Variants in CAMK2B observed in about 807,000 individuals in gnomAD.
CAMK2B encodes calcium/calmodulin-dependent protein kinase type II subunit beta.
In CAMK2B, 27 loss-of-function variants were observed where a neutral mutation model predicts 93.7. The observed-to-expected ratio is 0.29, with a 90% CI of 0.21 to 0.40. The LOEUF (loss-of-function observed/expected upper bound fraction) is 0.40, where lower values mean the gene tolerates loss of function less well. Ranked by LOEUF, CAMK2B falls within the 10% of genes least tolerant of loss-of-function variation. The probability of loss-of-function intolerance (pLI) is 1.00; values close to 1 mark genes in which losing one functional copy is unlikely to be tolerated. For synonymous variants in CAMK2B, 374 were observed against 358.8 expected, an observed-to-expected ratio of 1.04 and a Z score of -0.48; for missense variants, 568 against 895.8, an observed-to-expected ratio of 0.63 and a Z score of 4.67.
intron 1 of CAMK2B, among the ~76,000 whole-genome samples, chr7:44,318,635 G>A (rs1228307421): frequency 6.6e-6 from 1 of 152,232 alleles, no homozygotes; most frequent in East Asian, 1.9e-4. Context: ...CATTGTAAGG[G>A]CGACAGCAGC....
chr7:44,231,133 T>C, intron 16 of CAMK2B, 79 bp from the exon 17 acceptor site: 3 of 868,154 alleles, frequency 3.5e-6, no homozygotes, highest in Admixed American at 2.6e-5. Context: ...TGGACAGGGC[T>C]GGGCCTGTGT....
rs1785289424 is a variant in CAMK2B, at chr7:44,286,915, G to A, written c.66-2690C>T. On this transcript the variant is annotated intron_variant, in intron 1 of 23. Coordinates refer to ENST00000395749, the MANE Select transcript of CAMK2B (RefSeq NM_001220.5). The surrounding 1 kb of genome is among the most constrained non-coding windows in gnomAD (Gnocchi z 4.0). ...GCTGTAGTGACATAGGATGTGGCAGGCACAGTGCCAGGCACCCAGCAGACA... is the reference window on the plus strand; with the variant it reads ...GCTGTAGTGACATAGGATGTGGCAGACACAGTGCCAGGCACCCAGCAGACA... Among the ~76,000 whole-genome samples, 1 of 152,154 alleles carries A rather than the reference G, an allele frequency of 6.6e-6. No homozygotes were observed.
intron 1 of CAMK2B, among the ~76,000 whole-genome samples, chr7:44,318,835 CTT>C (rs974059192): frequency 1.3e-5 from 2 of 152,046 alleles, no homozygotes; most frequent in East Asian, 2.0e-4. Flanking sequence ...AGAATCATAA[CTT>C]AAGTTATTTT....
intron 2 of CAMK2B, among the ~76,000 whole-genome samples, chr7:44,274,119 G>C (rs1446474323): frequency 6.6e-6 from 1 of 152,080 alleles, no homozygotes; most frequent in Admixed American, 6.5e-5. Context: ...ATTCACCCAC[G>C]GGGCTCTTCT....
intron 1 of CAMK2B, among the ~76,000 whole-genome samples, chr7:44,287,846 G>A (rs74450719): frequency 0.075 from 11,355 of 152,228 alleles, 556 homozygotes; most frequent in Non-Finnish European, 0.1. Flanking sequence ...CACCTCCCAC[G>A]TTCCTTAGGT....
chr7:44,252,498 A>G (rs2096789793), intron 5 of CAMK2B, among the ~76,000 whole-genome samples: 3 of 70,696 alleles, frequency 4.2e-5, no homozygotes, highest in Non-Finnish European at 5.6e-5. Flanking sequence ...GGTGAGCAGG[A>G]GGGTGGGAGT....
At chr7:44,276,010 G>T (rs2097033179) in intron 2 of CAMK2B, among the ~76,000 whole-genome samples, 1 of 152,158 alleles carries the variant, frequency 6.6e-6, no homozygotes, top group Non-Finnish European at 1.5e-5. Flanking sequence ...TTCGGTGGGG[G>T]TCCAAGCTCT....
At chr7:44,273,706 A>G (rs974315684) in intron 2 of CAMK2B, among the ~76,000 whole-genome samples, 3 of 152,196 alleles carry the variant, frequency 2.0e-5, no homozygotes, top group Non-Finnish European at 4.4e-5. Flanking sequence ...ACTCTCAAAA[A>G]TAAGGCCCAG....
chr7:44,272,928 C>T (rs945748299), intron 2 of CAMK2B, among the ~76,000 whole-genome samples: 1 of 152,236 alleles, frequency 6.6e-6, no homozygotes, highest in Non-Finnish European at 1.5e-5. Flanking sequence ...CCTGTCACTG[C>T]CATGCTGTGG....
rs143801925 is a variant in CAMK2B at position 44,284,291 on chromosome 7, G to A, written c.66-66C>T. 5.1e-4 allele frequency: 588 copies of A among 1,153,980 alleles called. 2 individuals are homozygous for A. The highest frequency in any genetic ancestry group is 4.7e-3 in the African/African-American group (305 of 65,512). The allele number at this position is 1,153,980 out of a possible 1,614,324, so 71.5% of individuals were successfully genotyped here. On this transcript the variant is annotated intron_variant, in intron 1 of 23. Transcript: ENST00000395749. ...CAGACAAGGAGAAAGAGAGAGAGCC[G>A]ATTAATCTCCCCATAAACACTCCCC...
chr7:44,315,131 T>C (rs1251689571), intron 1 of CAMK2B, among the ~76,000 whole-genome samples: 5 of 152,232 alleles, frequency 3.3e-5, no homozygotes, highest in Non-Finnish European at 7.3e-5. Flanking sequence ...GCTTGTGGTG[T>C]CATATCTAAA....
In CAMK2B at chr7:44,286,032, T is replaced by C. The variant is rs950208918; in HGVS notation, c.66-1807A>G. On this transcript the variant is annotated intron_variant, in intron 1 of 23. Transcript: ENST00000395749. This position sits in a 1 kb window ranked among gnomAD's most constrained non-coding sequence, Gnocchi z 4.0. ...TTATTTTTAACATATGACATTAACT[T>C]GGGAGACTGAGGTGAGGGCAAAGAC... Among the ~76,000 whole-genome samples, 1 of 152,118 alleles carries C rather than the reference T, an allele frequency of 6.6e-6. No homozygotes were observed. Among genetic ancestry groups the C allele is most frequent in the Non-Finnish European group, 1.5e-5 (1 of 68,016 alleles).
chr7:44,304,345 A>T (rs1790874139), intron 1 of CAMK2B, among the ~76,000 whole-genome samples: 1 of 152,254 alleles, frequency 6.6e-6, no homozygotes, highest in Admixed American at 6.5e-5. Context: ...AGGAACCAAG[A>T]TGTCCTTCAG....
At chr7:44,307,828 T>C (rs570845686) in intron 1 of CAMK2B, among the ~76,000 whole-genome samples, 10 of 152,260 alleles carry the variant, frequency 6.6e-5, no homozygotes, top group African/African-American at 2.4e-4. Context: ...TATTTTTCTG[T>C]GAGCTGTTGC....
chr7:44,277,589 G>T (rs2097059533), intron 2 of CAMK2B, among the ~76,000 whole-genome samples: 1 of 152,198 alleles, frequency 6.6e-6, no homozygotes. Context: ...CACTCCTAGT[G>T]ACTCTCAAGG....
chr7:44,291,713 T>A (rs1044737207), intron 1 of CAMK2B, among the ~76,000 whole-genome samples: 8 of 152,258 alleles, frequency 5.3e-5, no homozygotes, highest in African/African-American at 1.4e-4. Context: ...GCTGGGTGCT[T>A]CCTCCATTAG....
rs1166370651 is a variant in CAMK2B, at chr7:44,225,487, T to C, written c.1597+1029A>G. Reference sequence around the variant, plus strand: ...GCCTCTCCCCTCAGCTGCTTGCCTCTGATCCCCTCAGTCAACCCCTGCTGG... The same window carrying C: ...GCCTCTCCCCTCAGCTGCTTGCCTCCGATCCCCTCAGTCAACCCCTGCTGG... On this transcript the variant is annotated intron_variant, in intron 20 of 23. Coordinates refer to ENST00000395749, the MANE Select transcript of CAMK2B (RefSeq NM_001220.5). The surrounding 1 kb of genome is among the most constrained non-coding windows in gnomAD (Gnocchi z 5.0). 6.6e-6 allele frequency among the ~76,000 whole-genome samples: 1 copy of C among 152,144 alleles called. No individual in the cohort carries two copies. The highest frequency in any genetic ancestry group is 1.5e-5 in the Non-Finnish European group (1 of 68,020).
intron 20 of CAMK2B, among the ~76,000 whole-genome samples, chr7:44,222,789 C>G (rs1562774600): frequency 6.6e-6 from 1 of 152,142 alleles, no homozygotes; most frequent in East Asian, 1.9e-4. Context: ...TTGCCTTTAT[C>G]TCTCTCGCCA....
Position 44,229,473 on chromosome 7 carries a change from T to G in CAMK2B, c.1254A>C (p.Ser418=), listed in dbSNP as rs1040177385. The change falls in exon 18 of 24, where the codon TCA becomes TCC. Residue 418 remains serine, a synonymous_variant. Coordinates refer to ENST00000395749, the MANE Select transcript of CAMK2B (RefSeq NM_001220.5). ...CTGGGGCTCCCGAGCCCCTCCTCACTGAGCTCAGGATGTCGGGGACCCTGG... is the reference window on the plus strand; with the variant it reads ...CTGGGGCTCCCGAGCCCCTCCTCACGGAGCTCAGGATGTCGGGGACCCTGG... ...KAPRVPDILS[S]VRRGSGAPEA... is the part of the protein sequence containing the mutation. 5 of 1,462,214 alleles carry G rather than the reference T, an allele frequency of 3.4e-6. No homozygotes were observed. The highest frequency in any genetic ancestry group is 4.5e-6 in the Non-Finnish European group (5 of 1,106,750). 90.6% of individuals were successfully genotyped at this position (1,462,214 alleles called of 1,614,324 possible).
Sources: gnomAD v4.1 joint callset for allele counts (sites outside exome capture counted in the v4.1 genomes callset) on GRCh38, gnomAD v4.1.1 for gene constraint, Gnocchi (gnomAD v3.1) non-coding constraint, MANE v1.5 for transcripts, NCBI Gene and HGNC (gene_info 2026-07-23, HGNC 2026-07-21) for gene names.